RAB38: variants seen among roughly 807,000 people sequenced by gnomAD.
RAB38 encodes ras-related protein Rab-38.
RAB38 carries 15 observed loss-of-function variants against 18.4 expected under a neutral mutation model. The observed-to-expected ratio is 0.82, with a 90% CI of 0.55 to 1.26. The LOEUF is 1.26. Among genes scored for constraint, RAB38 ranks in the 50% most tolerant of loss-of-function variants. The probability of loss-of-function intolerance (pLI) is 0.00; values close to 1 mark genes in which losing one functional copy is unlikely to be tolerated. For synonymous variants in RAB38, 101 were observed against 104.4 expected (o/e 0.97, Z 0.20); for missense variants, 294 against 267.4 (o/e 1.10, Z -0.69).
the RAB38 span, among the ~76,000 whole-genome samples, chr11:87,858,741 A>G: frequency 2.0e-5 from 3 of 152,084 alleles, no homozygotes; most frequent in Non-Finnish European, 4.4e-5. Flanking sequence ...ACTGGTAACA[A>G]TGGCATAGGA....
the RAB38 span, among the ~76,000 whole-genome samples, chr11:87,812,108 A>G: frequency 6.6e-6 from 1 of 152,234 alleles, no homozygotes; most frequent in Non-Finnish European, 1.5e-5. Flanking sequence ...ACTATGAAGC[A>G]GAGAAAAACT....
the RAB38 span, among the ~76,000 whole-genome samples, chr11:87,831,286 C>A: frequency 4.6e-5 from 7 of 152,006 alleles, no homozygotes; most frequent in Non-Finnish European, 1.0e-4. Flanking sequence ...ACCCCAAAAC[C>A]CCATCAAAAG....
At chr11:87,868,608 A>AGGGAGAGAGAGAAG in the RAB38 span, among the ~76,000 whole-genome samples, 1 of 102,988 alleles carries the variant, frequency 9.7e-6, no homozygotes, top group Non-Finnish European at 1.9e-5. Context: ...AGAGAGAGAG[A>AGGGAGAGAGAGAAG]GAGAGAGAGA....
At chr11:87,937,311 CATATAT>C in the RAB38 span, among the ~76,000 whole-genome samples, 1,999 of 82,586 alleles carry the variant, frequency 0.024, 31 homozygotes, top group Admixed American at 0.062. Flanking sequence ...ACTTGGTCAT[CATATAT>C]ATATATATAT....
At chr11:88,133,055 G>T (rs577475562) in intron 2 of RAB38, among the ~76,000 whole-genome samples, 1 of 152,224 alleles carries the variant, frequency 6.6e-6, no homozygotes, top group African/African-American at 2.4e-5. Flanking sequence ...AGGAAAGATA[G>T]GTTAGAGTCC....
At chr11:87,838,209 G>T in the RAB38 span, among the ~76,000 whole-genome samples, 29 of 151,914 alleles carry the variant, frequency 1.9e-4, no homozygotes, top group African/African-American at 6.5e-4. Flanking sequence ...CTGACTCCTG[G>T]GTTCATGCCA....
the RAB38 span, among the ~76,000 whole-genome samples, chr11:88,011,186 T>G: frequency 3.9e-5 from 6 of 152,204 alleles, no homozygotes; most frequent in Non-Finnish European, 7.3e-5. Flanking sequence ...ACTTAATATG[T>G]GTAAGACACT....
chr11:88,160,942 G>A (rs968668541), intron 1 of RAB38, among the ~76,000 whole-genome samples: 3 of 151,970 alleles, frequency 2.0e-5, no homozygotes, highest in Non-Finnish European at 4.4e-5. Context: ...ATATACCTAC[G>A]TCTATGTCAT....
At chr11:88,090,578 A>G in the RAB38 span, among the ~76,000 whole-genome samples, 1 of 136,708 alleles carries the variant, frequency 7.3e-6, no homozygotes, top group Non-Finnish European at 1.6e-5. Flanking sequence ...GGAAAAGTGT[A>G]AATAAAGTAA....
At chr11:88,108,814 C>G (rs1479593835), downstream of RAB38, among the ~76,000 whole-genome samples, 1 of 152,146 alleles carries the variant, frequency 6.6e-6, no homozygotes, top group Non-Finnish European at 1.5e-5. Context: ...TTCAGGAGCT[C>G]TTGTAAAGCA....
chr11:88,036,711 T>C, the RAB38 span, among the ~76,000 whole-genome samples: 5 of 152,070 alleles, frequency 3.3e-5, no homozygotes, highest in Admixed American at 2.0e-4. Flanking sequence ...TTGTGGAACA[T>C]ATCAATGGAA....
At chr11:87,886,448 G>C in the RAB38 span, among the ~76,000 whole-genome samples, 1 of 151,862 alleles carries the variant, frequency 6.6e-6, no homozygotes, top group African/African-American at 2.4e-5. Context: ...GGTTGGGCTT[G>C]AATTTCTTGG....
chr11:88,068,802 G>A, the RAB38 span, among the ~76,000 whole-genome samples: 1 of 152,224 alleles, frequency 6.6e-6, no homozygotes, highest in Non-Finnish European at 1.5e-5. Context: ...CAGCACCAAT[G>A]TATCTTCATT....
At chr11:87,831,694 G>C in the RAB38 span, among the ~76,000 whole-genome samples, 1 of 152,146 alleles carries the variant, frequency 6.6e-6, no homozygotes, top group East Asian at 1.9e-4. Context: ...TGGAAGCTTG[G>C]CTCAGCAGTC....
At chr11:87,838,869 TC>T in the RAB38 span, among the ~76,000 whole-genome samples, 3 of 152,236 alleles carry the variant, frequency 2.0e-5, no homozygotes, top group East Asian at 5.8e-4. Flanking sequence ...ATTACTGTCA[TC>T]ATCTTACTTA....
the RAB38 span, among the ~76,000 whole-genome samples, chr11:87,956,721 A>AGTT: frequency 6.6e-6 from 1 of 152,164 alleles, no homozygotes; most frequent in Admixed American, 6.6e-5. Context: ...TATAAAGCAT[A>AGTT]GTTATAAAAC....
chr11:88,170,640 T>G (rs997529653), intron 1 of RAB38, among the ~76,000 whole-genome samples: 2 of 152,236 alleles, frequency 1.3e-5, no homozygotes, highest in African/African-American at 4.8e-5. Flanking sequence ...GGACAGTTAA[T>G]GTATTCTTCT....
At chr11:88,128,684 A>G (rs1485199232) in intron 2 of RAB38, among the ~76,000 whole-genome samples, 1 of 152,252 alleles carries the variant, frequency 6.6e-6, no homozygotes, top group Non-Finnish European at 1.5e-5. Flanking sequence ...TTGCCACTAA[A>G]GAGAAAAGGC....
the RAB38 span, among the ~76,000 whole-genome samples, chr11:87,944,873 G>T: frequency 8.2e-3 from 1,252 of 152,208 alleles, 10 homozygotes; most frequent in Middle Eastern, 0.024. Flanking sequence ...TGAAGGAAGG[G>T]CATTGGAGCA....
Sources: gnomAD v4.1 joint callset for allele counts (sites outside exome capture counted in the v4.1 genomes callset) on GRCh38, gnomAD v4.1.1 for gene constraint, MANE v1.5 for transcripts, NCBI Gene and HGNC (gene_info 2026-07-23, HGNC 2026-07-21) for gene names.